The following IL2RG variants were observed in gnomAD, a reference collection of about 807,000 sequenced individuals.
IL2RG encodes cytokine receptor common subunit gamma.
For missense variants in IL2RG, 205 were observed against 272.9 expected, an observed-to-expected ratio of 0.75 and a Z score of 1.75; for synonymous variants, 111 against 108.5, an observed-to-expected ratio of 1.02 and a Z score of -0.15.
At chrX:71,111,167 G>T in intron 1 of IL2RG, 117 bp from the exon 2 acceptor site, 1 of 821,250 alleles carries the variant, frequency 1.2e-6, no homozygotes, top group Non-Finnish European at 1.8e-6. Flanking sequence ...TGAGGCAGGA[G>T]GATCACTAGA....
Position 71,109,314 on chromosome X carries a change from C to T in IL2RG, c.671G>A (p.Arg224Gln), listed in dbSNP as rs775127703. 5.0e-6 allele frequency: 6 copies of T among 1,208,941 alleles called. No homozygotes were observed. Among genetic ancestry groups the T allele is most frequent in the Non-Finnish European group, 6.7e-6 (6 of 894,104 alleles). The change falls in exon 5 of 8, where the codon CGG becomes CAG. Residue 224 changes from arginine to glutamine, a missense_variant. Physicochemically the swap from Arg to Gln is conservative, Grantham distance 43 (BLOSUM62 1). Transcript: ENST00000374202. ...TCCACAGAGTGGGTTAAAGCGGCTC[C>T]GAACACGAAACGTGTAGCGTTTCTG... Reference protein sequence around the residue: ...DGQKRYTFRVRSRFNPLCGSA... With the variant: ...DGQKRYTFRVQSRFNPLCGSA...
Position 71,107,798 on chromosome X carries a change from G to C in IL2RG, c.1048C>G (p.Pro350Ala), listed in dbSNP as rs1254542045. Residue 350 changes from proline (P) to alanine (A), a missense_variant, in exon 8 of 8, where the codon CCA becomes GCA. Coordinates refer to ENST00000374202, the MANE Select transcript of IL2RG (RefSeq NM_000206.3). ...GALGEGPGAS[P>A]CNQHSPYWAP... ...CAGTAGGGGCTATGCTGGTTGCATG[G>C]GGAGGCCCCAGGCCCCTCCCCAAGG... The C allele has an allele frequency of 1.7e-6, 2 of 1,181,599 alleles. No individual in the cohort carries two copies. The highest frequency in any genetic ancestry group is 3.0e-5 in the East Asian group (1 of 33,471).
At chrX:71,109,868 G>A (rs1477622461) in intron 4 of IL2RG, among the ~76,000 whole-genome samples, 4 of 104,661 alleles carry the variant, frequency 3.8e-5, no homozygotes, top group African/African-American at 1.1e-4. Context: ...GACAGAGGTC[G>A]CAGTGAGCCC....
At position 71,111,452 on chromosome X, in the gene IL2RG, G is replaced by T. The variant is rs755952194; in HGVS notation, c.88C>A (p.Pro30Thr). ...GCTGTGGTGTCTTCATTCCCATTGG[G>T]CGTCAGAATTGTCGTGTTCAGCCCC... Reference protein sequence around the residue: ...GVGLNTTILTPNGNEDTTADF... With the variant: ...GVGLNTTILTTNGNEDTTADF... Residue 30 changes from proline to threonine, a missense_variant, in exon 1 of 8, where the codon CCC (proline) becomes ACC (threonine). By Grantham distance (38) the Pro-to-Thr change is conservative (BLOSUM62 -1). Transcript: ENST00000374202. 2 of 1,211,012 alleles carry T rather than the reference G, an allele frequency of 1.7e-6. No homozygotes were observed. Among genetic ancestry groups the T allele is most frequent in the East Asian group, 5.9e-5 (2 of 33,819 alleles).
rs1333598611 is a variant in IL2RG, at chrX:71,110,699, A to G, written c.270-11T>C. The G allele has an allele frequency of 4.2e-6, 5 of 1,196,812 alleles. No homozygotes were observed. In the Admixed American group the frequency reaches 8.7e-5, roughly 21 times the overall value. ...TCCGAGTTCTTGTACCTAGAGGAGA[A>G]AGGTTGGAAGGAAGAGGAACAGTGG... On this transcript the variant is annotated splice_polypyrimidine_tract_variant and intron_variant, in intron 2 of 7. Transcript: ENST00000374202.
At position 71,109,397 on chromosome X, in the gene IL2RG, G is replaced by A. The variant is rs1057515981; in HGVS notation, c.595-7C>T. The A allele has an allele frequency of 8.3e-7, 1 of 1,206,296 alleles. No individual in the cohort carries two copies. Among genetic ancestry groups the A allele is most frequent in the East Asian group, 3.0e-5 (1 of 33,819 alleles). On this transcript the variant is annotated splice_region_variant and splice_polypyrimidine_tract_variant and intron_variant, in intron 4 of 7. Coordinates refer to ENST00000374202, the MANE Select transcript of IL2RG (RefSeq NM_000206.3). ...TATAATCCACTGATTGTTCCTTGAG[G>A]AGAAAGAGGATGAGGGAAAGTGGGT...
intron 4 of IL2RG, 49 bp from the exon 5 acceptor site, chrX:71,109,439 A>G: frequency 8.9e-7 from 1 of 1,126,748 alleles, no homozygotes; most frequent in African/African-American, 1.8e-5. Flanking sequence ...GAGAGAAGGG[A>G]GAATTAAAAC....
At chrX:71,110,844 C>G (rs2092262155) in intron 2 of IL2RG, 53 bp downstream of exon 2, 4 of 1,183,507 alleles carry the variant, frequency 3.4e-6, no homozygotes, top group Non-Finnish European at 4.6e-6. Context: ...CTCTCTTGGT[C>G]TCTGATCCAA....
chrX:71,111,371 C>A, intron 1 of IL2RG, 54 bp downstream of exon 1: 1 of 1,192,867 alleles, frequency 8.4e-7, no homozygotes, highest in South Asian at 1.8e-5. Context: ...CTCTGTACGG[C>A]CCCTTCCCAC....
chrX:71,111,571 T>A lies in IL2RG; in HGVS notation c.-32A>T. 1 of 1,207,966 alleles carries A rather than the reference T, an allele frequency of 8.3e-7. No homozygotes were observed. ...TGCTCTTCATTCCCTGGGTGTAGTC[T>A]GTCTGTGTCAGGAACCTGGGTCCCT... On this transcript the variant is annotated 5_prime_UTR_variant, in exon 1 of 8. Coordinates refer to ENST00000374202, the MANE Select transcript of IL2RG (RefSeq NM_000206.3).
Position 71,108,661 on chromosome X carries a change from A to G in IL2RG, c.792T>C (p.Val264=). The change falls in exon 6 of 8, where the codon GTT becomes GTC. Residue 264 remains valine, a synonymous_variant. Coordinates refer to ENST00000374202, the MANE Select transcript of IL2RG (RefSeq NM_000206.3). ...TCAATCCCATGGAGCCAACAGAGAT[A>G]ACCACGGCTTCCAATGCAAACAGGA... ...NPFLFALEAV[V]ISVGSMGLII... 1 of 1,194,233 alleles carries G rather than the reference A, an allele frequency of 8.4e-7. No homozygotes were observed. The highest frequency in any genetic ancestry group is 1.1e-6 in the Non-Finnish European group (1 of 883,671).
intron 5 of IL2RG, 88 bp downstream of exon 5, chrX:71,109,140 T>C: frequency 5.2e-6 from 5 of 953,565 alleles, no homozygotes; most frequent in Admixed American, 2.2e-5. Flanking sequence ...TTAGGGGCTT[T>C]AGTGACAGGG....
At chrX:71,109,893 G>A (rs1220087854) in intron 4 of IL2RG, among the ~76,000 whole-genome samples, 1 of 99,454 alleles carries the variant, frequency 1.0e-5, no homozygotes, top group Non-Finnish European at 2.0e-5. Context: ...TCGCCCCACT[G>A]CACTCAAGCC....
Position 71,110,231 on chromosome X carries a change from G to T in IL2RG, c.519C>A (p.Asn173Lys). 1.7e-6 allele frequency: 2 copies of T among 1,209,733 alleles called. No individual in the cohort carries two copies. Among genetic ancestry groups the T allele is most frequent in the South Asian group, 3.5e-5 (2 of 56,978 alleles). Reference protein sequence around the residue: ...HKLSESQLELNWNNRFLNHCL... With the variant: ...HKLSESQLELKWNNRFLNHCL... The stretch of plus-strand genomic sequence containing the variant: ...AGTGGTTCAAGAATCTGTTGTTCCA[G>T]TTCAGTTCTAGCTGGGATTCACTCA... The change falls in exon 4 of 8, where the codon AAC (asparagine) becomes AAA (lysine). Residue 173 changes from asparagine to lysine, a missense_variant. Transcript: ENST00000374202.
chrX:71,107,824 G>T lies in IL2RG; in HGVS notation c.1022C>A (p.Ala341Asp). 1 of 1,203,922 alleles carries T rather than the reference G, an allele frequency of 8.3e-7. No individual in the cohort carries two copies. The highest frequency in any genetic ancestry group is 1.8e-5 in the South Asian group (1 of 55,958). ...LVSEIPPKGG[A>D]LGEGPGASPC... ...GGAGGCCCCAGGCCCCTCCCCAAGG[G>T]CCCCTCCTTTTGGGGGAATCTCACT... is the stretch of plus-strand genomic sequence containing the variant. The change falls in exon 8 of 8, where the codon GCC becomes GAC. Residue 341 changes from alanine to aspartate, a missense_variant. Physicochemically the swap from Ala to Asp is moderately radical, Grantham distance 126. Coordinates refer to ENST00000374202, the MANE Select transcript of IL2RG (RefSeq NM_000206.3).
chrX:71,108,824 A>G, intron 5 of IL2RG, 129 bp from the exon 6 acceptor site: 1 of 483,754 alleles, frequency 2.1e-6, no homozygotes, highest in East Asian at 3.6e-5. Flanking sequence ...CCTGTGAGGC[A>G]GGAACAATTA....
intron 1 of IL2RG, 154 bp downstream of exon 1, chrX:71,111,271 C>A: frequency 1.4e-6 from 1 of 721,928 alleles, no homozygotes; most frequent in Non-Finnish European, 2.0e-6. Flanking sequence ...GAAGAAGTAG[C>A]GTGAGGCAGG....
At chrX:71,110,332 C>T in intron 3 of IL2RG, 37 bp from the exon 4 acceptor site, 1 of 1,200,701 alleles carries the variant, frequency 8.3e-7, no homozygotes, top group East Asian at 3.0e-5. Context: ...ATTCCCCTGG[C>T]CTAGACAAGT....
At chrX:71,108,088 T>C in intron 7 of IL2RG, 167 bp from the exon 8 acceptor site, 1 of 527,155 alleles carries the variant, frequency 1.9e-6, no homozygotes, top group Non-Finnish European at 3.3e-6. Context: ...CCTCATTCAA[T>C]CTATAATCTG....
Sources: gnomAD v4.1 joint callset for allele counts (sites outside exome capture counted in the v4.1 genomes callset) on GRCh38, gnomAD v4.1.1 for gene constraint, MANE v1.5 for transcripts, NCBI Gene and HGNC (gene_info 2026-07-23, HGNC 2026-07-21) for gene names.